The following CHSY1 variants were observed in gnomAD, a reference collection of about 807,000 sequenced individuals.
The protein encoded by CHSY1 is chondroitin sulfate synthase 1.
In CHSY1, 13 loss-of-function variants were observed where a neutral mutation model predicts 59.8. The ratio of observed to expected loss-of-function variants is 0.22; its 90% CI spans 0.14 to 0.35. The LOEUF is 0.35. Among genes scored for constraint, CHSY1 ranks in the 10% least tolerant of loss-of-function variants. The pLI is 1.00. For missense variants in CHSY1, 947 were observed against 1,030.6 expected (o/e 0.92, Z 1.11); for synonymous variants, 459 against 401.2 (o/e 1.14, Z -1.72).
chr15:101,196,905 T>C (rs753054924), intron 2 of CHSY1, among the ~76,000 whole-genome samples: 3 of 152,238 alleles, frequency 2.0e-5, no homozygotes, highest in Admixed American at 6.5e-5. Flanking sequence ...ATATACCACA[T>C]TGGCTGTATG....
chr15:101,251,071 G>C (rs2039104288), intron 1 of CHSY1, 66 bp downstream of exon 1: 2 of 1,447,752 alleles, frequency 1.4e-6, no homozygotes, highest in Non-Finnish European at 1.9e-6. Context: ...AGCCAGGAGA[G>C]CACCCGGGAT....
chr15:101,180,659 C>G (rs2038264699), intron 2 of CHSY1, among the ~76,000 whole-genome samples: 1 of 152,148 alleles, frequency 6.6e-6, no homozygotes, highest in Admixed American at 6.5e-5. Flanking sequence ...TAAACTGAAG[C>G]AAAGAAGTAA....
chr15:101,198,746 C>T (rs560760132), intron 2 of CHSY1, among the ~76,000 whole-genome samples: 1 of 152,338 alleles, frequency 6.6e-6, no homozygotes, highest in African/African-American at 2.4e-5. Flanking sequence ...GGCCCACTGG[C>T]CAAAATCCCC....
At chr15:101,240,850 GTTGTT>G (rs762449539) in intron 1 of CHSY1, among the ~76,000 whole-genome samples, 7 of 152,126 alleles carry the variant, frequency 4.6e-5, no homozygotes, top group Admixed American at 3.9e-4. Flanking sequence ...TCCATTCAGT[GTTGTT>G]TTAAGAAAAA....
chr15:101,228,596 T>C (rs1345402487), intron 2 of CHSY1, among the ~76,000 whole-genome samples: 2 of 152,140 alleles, frequency 1.3e-5, no homozygotes, highest in African/African-American at 2.4e-5. Context: ...CAACTAAGAA[T>C]TCTATATCCA....
intron 1 of CHSY1, among the ~76,000 whole-genome samples, chr15:101,250,030 C>A (rs2039090960): frequency 6.6e-6 from 1 of 152,210 alleles, no homozygotes; most frequent in East Asian, 1.9e-4. Context: ...ACCATATATG[C>A]TTTTCCCCTC....
intron 2 of CHSY1, among the ~76,000 whole-genome samples, chr15:101,229,219 TA>T (rs2038870112): frequency 6.6e-6 from 1 of 152,242 alleles, no homozygotes; most frequent in South Asian, 2.1e-4. Flanking sequence ...CCTCTATCAG[TA>T]ATTATATTAA....
At chr15:101,181,993 G>A (rs904443004) in intron 2 of CHSY1, among the ~76,000 whole-genome samples, 1 of 152,124 alleles carries the variant, frequency 6.6e-6, no homozygotes, top group African/African-American at 2.4e-5. Context: ...TAAGAAAATG[G>A]CATGGAAGGA....
intron 2 of CHSY1, among the ~76,000 whole-genome samples, chr15:101,185,441 T>A (rs544351617): frequency 4.0e-5 from 6 of 151,432 alleles, no homozygotes; most frequent in Admixed American, 1.3e-4. Context: ...CCATCCTCCT[T>A]CCCTGTGAAC....
chr15:101,221,180 C>A (rs549967685), intron 2 of CHSY1, among the ~76,000 whole-genome samples: 1 of 152,130 alleles, frequency 6.6e-6, no homozygotes, highest in Non-Finnish European at 1.5e-5. Context: ...CACGCAGGTA[C>A]GCAGACAAAT....
intron 1 of CHSY1, among the ~76,000 whole-genome samples, chr15:101,244,017 A>G (rs1322103029): frequency 2.6e-5 from 4 of 152,232 alleles, no homozygotes; most frequent in African/African-American, 7.2e-5. Context: ...ACTTGACACC[A>G]CATCAGAGCA....
intron 2 of CHSY1, among the ~76,000 whole-genome samples, chr15:101,199,376 G>A (rs187524124): frequency 1.6e-3 from 236 of 152,230 alleles, no homozygotes; most frequent in Middle Eastern, 0.01. Flanking sequence ...GGTAGCACGC[G>A]CCTGTAGTTC....
chr15:101,232,170 T>C (rs1302492258), intron 2 of CHSY1, among the ~76,000 whole-genome samples: 1 of 152,220 alleles, frequency 6.6e-6, no homozygotes, highest in Non-Finnish European at 1.5e-5. Flanking sequence ...AAAAACACTA[T>C]ACCTTCTGGC....
chr15:101,236,034 CAG>C (rs1332117991), intron 1 of CHSY1, among the ~76,000 whole-genome samples: 2 of 152,148 alleles, frequency 1.3e-5, no homozygotes, highest in African/African-American at 2.4e-5. Flanking sequence ...CCCCAACTCA[CAG>C]AGAGGACATC....
In CHSY1 at chr15:101,226,938, C is replaced by T. The variant is rs868632610; in HGVS notation, c.816+8144G>A. On this transcript the variant is annotated intron_variant, in intron 2 of 2. Transcript: ENST00000254190. ...TGGAGCTAAGTCCCCATAACAGATGCTTTTAGGTGACATCAGTGAAAATGG... is the reference window on the plus strand; with the variant it reads ...TGGAGCTAAGTCCCCATAACAGATGTTTTTAGGTGACATCAGTGAAAATGG... 2.6e-5 allele frequency among the ~76,000 whole-genome samples: 4 copies of T among 152,212 alleles called. No homozygotes were observed. In the Middle Eastern group the frequency reaches 0.01, roughly 388 times the overall value.
intron 1 of CHSY1, among the ~76,000 whole-genome samples, chr15:101,246,268 A>C (rs1208575391): frequency 6.6e-6 from 1 of 152,204 alleles, no homozygotes; most frequent in East Asian, 1.9e-4. Flanking sequence ...TTCAGCCCAG[A>C]GAGGGTAAGA....
rs552854159 is a variant in CHSY1, at chr15:101,229,822, G to A, written c.816+5260C>T. Among the ~76,000 whole-genome samples the A allele has an allele frequency of 1.1e-4, 16 of 152,044 alleles. No individual in the cohort carries two copies. In the East Asian group the frequency reaches 2.9e-3, roughly 28 times the overall value. ...CTCAGGAGACTGAGGCCTGAGAATC[G>A]CTTGAACCGAGGAGGCAGAGGTTGC... On this transcript the variant is annotated intron_variant, in intron 2 of 2. Coordinates refer to ENST00000254190, the MANE Select transcript of CHSY1 (RefSeq NM_014918.5).
Position 101,178,048 on chromosome 15 carries a change from T to C in CHSY1, c.1749A>G (p.Gln583=), listed in dbSNP as rs748249569. ...TGCGGTAATCTCTCATCAGTTCAAC[T>C]TGTTTGGCCTTGTCAGGGTTGGAGT... ...NSDSNPDKAK[Q]VELMRDYRIK... Residue 583 remains glutamine, a synonymous_variant, in exon 3 of 3, where the codon CAA becomes CAG. Coordinates refer to ENST00000254190, the MANE Select transcript of CHSY1 (RefSeq NM_014918.5). 5 of 1,614,068 alleles carry C rather than the reference T, an allele frequency of 3.1e-6. No homozygotes were observed. The highest frequency in any genetic ancestry group is 1.7e-5 in the Admixed American group (1 of 60,004).
chr15:101,234,279 A>G (rs2038918337), intron 2 of CHSY1, among the ~76,000 whole-genome samples: 1 of 152,274 alleles, frequency 6.6e-6, no homozygotes, highest in Non-Finnish European at 1.5e-5. Context: ...CAAGGTACAC[A>G]ACAAATGCGA....
Sources: gnomAD v4.1 joint callset for allele counts (sites outside exome capture counted in the v4.1 genomes callset) on GRCh38, gnomAD v4.1.1 for gene constraint, MANE v1.5 for transcripts, NCBI Gene and HGNC (gene_info 2026-07-23, HGNC 2026-07-21) for gene names.